Variants in CNTLN observed in about 807,000 individuals in gnomAD.
The protein encoded by CNTLN is centlein, centrosomal protein.
Under a neutral mutation model 180.0 loss-of-function variants are expected in CNTLN, and 212 were observed. The ratio of observed to expected loss-of-function variants is 1.18; its 90% CI spans 1.05 to 1.32. CNTLN has a LOEUF of 1.32. Ranked by LOEUF, CNTLN falls within the 40% of genes most tolerant of loss-of-function variation. The pLI, the probability that CNTLN is intolerant of heterozygous loss-of-function variation, is 0.00. For synonymous variants in CNTLN, 722 were observed against 563.1 expected (o/e 1.28, Z -3.99); for missense variants, 2,095 against 1,610.9 (o/e 1.30, Z -5.14).
At chr9:17,277,076 ACTGTTTCTGT>A (rs1828360939) in intron 6 of CNTLN, among the ~76,000 whole-genome samples, 1 of 75,616 alleles carries the variant, frequency 1.3e-5, no homozygotes, top group Non-Finnish European at 2.8e-5. Flanking sequence ...TGATGGAGCT[ACTGTTTCTGT>A]ATGGATTTCC....
intron 7 of CNTLN, chr9:17,300,272 C>G (rs924478650): frequency 3.9e-5 from 6 of 152,056 alleles, no homozygotes; most frequent in Admixed American, 6.6e-5. Flanking sequence ...GATTTTGGAG[C>G]ATTTCAGATT....
At chr9:17,211,892 T>G (rs946477903) in intron 2 of CNTLN, among the ~76,000 whole-genome samples, 5 of 152,342 alleles carry the variant, frequency 3.3e-5, no homozygotes, top group African/African-American at 1.2e-4. Context: ...TTGCGATTTT[T>G]GCACATTGAT....
At chr9:17,238,553 A>G (rs1825294915) in intron 5 of CNTLN, among the ~76,000 whole-genome samples, 1 of 152,186 alleles carries the variant, frequency 6.6e-6, no homozygotes, top group Non-Finnish European at 1.5e-5. Context: ...GGCCTTTCTA[A>G]TAAGTTTATT....
chr9:17,189,341 C>G (rs1338078754), intron 2 of CNTLN, among the ~76,000 whole-genome samples: 2 of 151,626 alleles, frequency 1.3e-5, no homozygotes, highest in African/African-American at 4.8e-5. Flanking sequence ...TTCAGCCTCC[C>G]AAAGTTCTGG....
At chr9:17,315,856 G>A (rs77703092) in intron 8 of CNTLN, among the ~76,000 whole-genome samples, 17,299 of 151,828 alleles carry the variant, frequency 0.11, 1,108 homozygotes, top group South Asian at 0.28. Flanking sequence ...TGTTGTTTAG[G>A]TCTTTATCTG....
At chr9:17,472,818 A>G (rs1832104893) in intron 23 of CNTLN, among the ~76,000 whole-genome samples, 1 of 152,124 alleles carries the variant, frequency 6.6e-6, no homozygotes, top group Non-Finnish European at 1.5e-5. Context: ...CCAGCATTTT[A>G]TTCTTTGACC....
the CNTLN span, among the ~76,000 whole-genome samples, chr9:17,519,946 A>G: frequency 6.6e-6 from 1 of 152,344 alleles, no homozygotes; most frequent in African/African-American, 2.4e-5. Context: ...AACCCTCAGG[A>G]ATCGGGCAGT....
At chr9:17,161,163 A>G (rs1258621638) in intron 2 of CNTLN, among the ~76,000 whole-genome samples, 1 of 152,114 alleles carries the variant, frequency 6.6e-6, no homozygotes, top group Non-Finnish European at 1.5e-5. Context: ...TGATTTCCTT[A>G]GTAGAATAAT....
intron 2 of CNTLN, among the ~76,000 whole-genome samples, chr9:17,224,824 T>C (rs1298501795): frequency 6.6e-6 from 1 of 151,950 alleles, no homozygotes; most frequent in Middle Eastern, 3.2e-3. Flanking sequence ...GTTATTTTTA[T>C]TTTTTCTAGA....
intron 25 of CNTLN, among the ~76,000 whole-genome samples, chr9:17,488,934 C>T (rs1314899054): frequency 6.6e-6 from 1 of 152,080 alleles, no homozygotes; most frequent in African/African-American, 2.4e-5. Context: ...GCCTTTAGAT[C>T]ATTTTTCAAG....
At chr9:17,227,454 G>C (rs757123166) in intron 3 of CNTLN, among the ~76,000 whole-genome samples, 1 of 152,016 alleles carries the variant, frequency 6.6e-6, no homozygotes, top group Non-Finnish European at 1.5e-5. Flanking sequence ...AGAAATTTAA[G>C]AGTGGCTAAT....
At chr9:17,158,768 G>A (rs1819475363) in intron 2 of CNTLN, among the ~76,000 whole-genome samples, 1 of 151,858 alleles carries the variant, frequency 6.6e-6, no homozygotes, top group Admixed American at 6.6e-5. Flanking sequence ...ATCATGATCA[G>A]TCTAGCTAAA....
intron 13 of CNTLN, among the ~76,000 whole-genome samples, chr9:17,382,684 G>T (rs1825355151): frequency 6.6e-6 from 1 of 152,108 alleles, no homozygotes; most frequent in East Asian, 1.9e-4. Flanking sequence ...AGGAAGGTCA[G>T]ACTGCAGTTT....
chr9:17,311,538 G>A (rs1057414521), intron 8 of CNTLN, among the ~76,000 whole-genome samples: 16 of 150,620 alleles, frequency 1.1e-4, no homozygotes, highest in African/African-American at 3.4e-4. Flanking sequence ...GGCTGGGTGC[G>A]GTGGCTCACG....
rs532163443 is a variant in CNTLN at position 17,493,848 on chromosome 9, G to C, written c.4119+6782G>C. Reference sequence around the variant, plus strand: ...GCACGTGAGTGCCTGAGATTCATTCGGTTTCTCCTTATATTGACCAGAACT... The same window carrying C: ...GCACGTGAGTGCCTGAGATTCATTCCGTTTCTCCTTATATTGACCAGAACT... On this transcript the variant is annotated intron_variant, in intron 25 of 25. Coordinates refer to ENST00000380647, the MANE Select transcript of CNTLN (RefSeq NM_017738.4). Among the ~76,000 whole-genome samples the C allele has an allele frequency of 7.2e-5, 11 of 152,262 alleles. No individual in the cohort carries two copies. In the South Asian group the frequency reaches 2.3e-3, roughly 32 times the overall value.
the CNTLN span, among the ~76,000 whole-genome samples, chr9:17,527,081 C>T: frequency 6.6e-6 from 1 of 152,146 alleles, no homozygotes; most frequent in East Asian, 1.9e-4. Context: ...TGGGGTTTCA[C>T]CATGTTGGCC....
At chr9:17,475,487 A>G (rs547894113) in intron 23 of CNTLN, among the ~76,000 whole-genome samples, 3 of 151,758 alleles carry the variant, frequency 2.0e-5, no homozygotes, top group South Asian at 4.2e-4. Context: ...TCAATCTAAC[A>G]CAAGCCGGGA....
rs777597179 is a variant in CNTLN at position 17,298,186 on chromosome 9, A to C, written c.984-4A>C. On this transcript the variant is annotated splice_region_variant and splice_polypyrimidine_tract_variant and intron_variant, in intron 6 of 25. Transcript: ENST00000380647. ...TTTCTCTATTTATTGCTTGCTTTGC[A>C]CAGGAAGGAACTGCAGGAGCTGCAG... 2.7e-6 allele frequency: 4 copies of C among 1,458,892 alleles called. No homozygotes were observed. Among genetic ancestry groups the C allele is most frequent in the Non-Finnish European group, 3.6e-6 (4 of 1,101,596 alleles). 90.4% of individuals were successfully genotyped at this position (1,458,892 alleles called of 1,614,324 possible). A position where few individuals can be genotyped will look rare whatever the true frequency, so the allele number is the denominator to read the frequency against.
At chr9:17,161,000 T>A (rs1321912248) in intron 2 of CNTLN, among the ~76,000 whole-genome samples, 1 of 152,148 alleles carries the variant, frequency 6.6e-6, no homozygotes, top group African/African-American at 2.4e-5. Flanking sequence ...GGAAAGACAT[T>A]TGTAGAAAGA....
Sources: allele counts gnomAD v4.1 joint callset (sites outside exome capture counted in the v4.1 genomes callset), GRCh38; gene constraint gnomAD v4.1.1; transcripts MANE v1.5; gene names NCBI Gene and HGNC (gene_info 2026-07-23, HGNC 2026-07-21).